ARL15: variants seen among roughly 807,000 people sequenced by gnomAD.
ARL15 encodes ADP-ribosylation factor-like protein 15.
Under a neutral mutation model 25.2 loss-of-function variants are expected in ARL15, and 19 were observed. The ratio of observed to expected loss-of-function variants is 0.75; its 90% CI spans 0.53 to 1.10. The LOEUF is 1.10. ARL15 is among the 50% of genes least tolerant of loss of function. ARL15 has a pLI of 0.00. For missense variants in ARL15, 220 were observed against 246.0 expected, an observed-to-expected ratio of 0.89 and a Z score of 0.71; for synonymous variants, 94 against 86.8, an observed-to-expected ratio of 1.08 and a Z score of -0.46.
At chr5:54,148,585 G>T (rs1022305347) in intron 3 of ARL15, among the ~76,000 whole-genome samples, 1 of 152,152 alleles carries the variant, frequency 6.6e-6, no homozygotes, top group Non-Finnish European at 1.5e-5. Flanking sequence ...CCTTTTGATT[G>T]ACAACAGGCA....
intron 3 of ARL15, among the ~76,000 whole-genome samples, chr5:54,140,417 C>CAGATAGACAGAT (rs71600804): frequency 2.1e-5 from 3 of 145,264 alleles, no homozygotes; most frequent in African/African-American, 7.7e-5. Flanking sequence ...TGTGGATAGA[C>CAGATAGACAGAT]AGATAGATAG....
intron 4 of ARL15, among the ~76,000 whole-genome samples, chr5:54,108,515 C>A (rs1240925021): frequency 2.0e-5 from 3 of 152,070 alleles, no homozygotes; most frequent in African/African-American, 4.8e-5. Flanking sequence ...TTTCTCTACA[C>A]ATACAGAAAG....
chr5:54,214,213 G>C lies in ARL15; in HGVS notation c.49-42285C>G, dbSNP rs192622044. On this transcript the variant is annotated intron_variant, in intron 1 of 4. Transcript: ENST00000504924. The stretch of plus-strand genomic sequence containing the variant: ...GCCTTCAGCTCCAGCACATTTAATA[G>C]AGAATACTTTATTCACTAACTGATA... 7.4e-4 allele frequency among the ~76,000 whole-genome samples: 112 copies of C among 152,280 alleles called. 1 individual carries two copies. The highest frequency in any genetic ancestry group is 2.5e-3 in the African/African-American group (103 of 41,550).
At chr5:53,985,499 T>C (rs546026783) in intron 4 of ARL15, among the ~76,000 whole-genome samples, 7 of 152,308 alleles carry the variant, frequency 4.6e-5, no homozygotes, top group African/African-American at 1.7e-4. Context: ...CAACCACCAT[T>C]ATCCTTTCTG....
At chr5:54,145,634 G>A (rs1291438817) in intron 3 of ARL15, among the ~76,000 whole-genome samples, 1 of 151,716 alleles carries the variant, frequency 6.6e-6, no homozygotes, top group Non-Finnish European at 1.5e-5. Flanking sequence ...GTGCGTGCGT[G>A]TGTGTGTGTG....
chr5:54,192,412 C>T (rs1327774752), intron 1 of ARL15, among the ~76,000 whole-genome samples: 4 of 152,144 alleles, frequency 2.6e-5, no homozygotes, highest in East Asian at 3.9e-4. Context: ...CTCACTAGAA[C>T]ATAAGTCCCA....
chr5:54,193,518 C>A (rs1755463496), intron 1 of ARL15, among the ~76,000 whole-genome samples: 1 of 152,040 alleles, frequency 6.6e-6, no homozygotes. Flanking sequence ...GAAGCGGGAA[C>A]CCTACTGTGA....
In ARL15 at chr5:54,047,850, A is replaced by G. The variant is rs536140180; in HGVS notation, c.462+65352T>C. Among the ~76,000 whole-genome samples, 15 of 152,340 alleles carry G rather than the reference A, an allele frequency of 9.8e-5. 1 individual carries two copies. The South Asian group carries it at 2.9e-3, about 29-fold the overall frequency. The stretch of plus-strand genomic sequence containing the variant: ...TTGCATTTTTATTCACAGACATGTT[A>G]AAGTTATATGAGCATTGCGTGTCAT... On this transcript the variant is annotated intron_variant, in intron 4 of 4. Coordinates refer to ENST00000504924, the MANE Select transcript of ARL15 (RefSeq NM_019087.3).
intron 4 of ARL15, among the ~76,000 whole-genome samples, chr5:53,943,985 C>T (rs191443598): frequency 6.6e-6 from 1 of 152,254 alleles, no homozygotes; most frequent in Non-Finnish European, 1.5e-5. Context: ...CAGTAAGGAA[C>T]AAGAAAGACA....
At chr5:53,930,597 T>G (rs1221365574) in intron 4 of ARL15, among the ~76,000 whole-genome samples, 1 of 152,086 alleles carries the variant, frequency 6.6e-6, no homozygotes, top group Admixed American at 6.5e-5. Context: ...CAAAGCGAAG[T>G]CATTACAGAA....
intron 4 of ARL15, among the ~76,000 whole-genome samples, chr5:54,065,017 G>A (rs759194667): frequency 2.0e-5 from 3 of 152,008 alleles, no homozygotes; most frequent in Admixed American, 6.6e-5. Flanking sequence ...TGAATGGAAG[G>A]GTTTGGACAA....
intron 4 of ARL15, among the ~76,000 whole-genome samples, chr5:53,897,202 G>C (rs1447348824): frequency 6.6e-6 from 1 of 152,138 alleles, no homozygotes; most frequent in African/African-American, 2.4e-5. Flanking sequence ...GAACATTTCT[G>C]TCATCTAGAG....
At chr5:54,196,325 A>T (rs1162044067) in intron 1 of ARL15, among the ~76,000 whole-genome samples, 1 of 152,094 alleles carries the variant, frequency 6.6e-6, no homozygotes, top group Non-Finnish European at 1.5e-5. Context: ...ACTATTTAGA[A>T]GTTGAACACT....
intron 4 of ARL15, among the ~76,000 whole-genome samples, chr5:54,025,060 A>G (rs1421384461): frequency 6.6e-6 from 1 of 152,142 alleles, no homozygotes; most frequent in African/African-American, 2.4e-5. Context: ...ACTAAAACCA[A>G]TAAAGATAAA....
chr5:54,260,205 T>C (rs1184086749), intron 1 of ARL15, among the ~76,000 whole-genome samples: 1 of 152,184 alleles, frequency 6.6e-6, no homozygotes, highest in Non-Finnish European at 1.5e-5. Context: ...TGCACTCTTC[T>C]TTCTTTCCTT....
chr5:54,054,505 C>T (rs1020510257), intron 4 of ARL15, among the ~76,000 whole-genome samples: 7 of 152,136 alleles, frequency 4.6e-5, no homozygotes, highest in African/African-American at 1.7e-4. Flanking sequence ...AGAAACAATA[C>T]TAGAGCTGGG....
In ARL15 at chr5:54,284,629, T is replaced by G. The variant is rs568215502; in HGVS notation, c.48+25803A>C. ...AACCTACTTTCCACTCCTTTTCATA[T>G]TCTCAAAATGTACAAGTATTGTTGT... On this transcript the variant is annotated intron_variant, in intron 1 of 4. Coordinates refer to ENST00000504924, the MANE Select transcript of ARL15 (RefSeq NM_019087.3). Among the ~76,000 whole-genome samples, 9 of 152,376 alleles carry G rather than the reference T, an allele frequency of 5.9e-5. No homozygotes were observed. The South Asian group carries it at 1.9e-3, about 32-fold the overall frequency.
At chr5:53,903,282 C>T (rs1745128145) in intron 4 of ARL15, among the ~76,000 whole-genome samples, 1 of 152,146 alleles carries the variant, frequency 6.6e-6, no homozygotes, top group South Asian at 2.1e-4. Flanking sequence ...TAATTGTCAT[C>T]CATGACTAGT....
chr5:53,901,389 G>T (rs1274945712), intron 4 of ARL15, among the ~76,000 whole-genome samples: 1 of 152,134 alleles, frequency 6.6e-6, no homozygotes, highest in Non-Finnish European at 1.5e-5. Context: ...GTTGTTTAAG[G>T]AGTCCTACCT....
Sources: gnomAD v4.1 joint callset for allele counts (sites outside exome capture counted in the v4.1 genomes callset) on GRCh38, gnomAD v4.1.1 for gene constraint, MANE v1.5 for transcripts, NCBI Gene and HGNC (gene_info 2026-07-23, HGNC 2026-07-21) for gene names.